Variants in COL15A1 observed in about 807,000 individuals in gnomAD.
COL15A1 encodes collagen type XV alpha 1 chain.
COL15A1 carries 111 observed loss-of-function variants against 165.9 expected under a neutral mutation model. The observed-to-expected ratio is 0.67, with a 90% confidence interval of 0.57 to 0.78. The LOEUF (loss-of-function observed/expected upper bound fraction) is 0.78. Ranked by LOEUF, COL15A1 falls within the 30% of genes least tolerant of loss-of-function variation. The pLI, the probability that COL15A1 is intolerant of heterozygous loss-of-function variation, is 0.00. For synonymous variants in COL15A1, 659 were observed against 674.8 expected, an observed-to-expected ratio of 0.98 and a Z score of 0.36; for missense variants, 1,745 against 1,789.7, an observed-to-expected ratio of 0.98 and a Z score of 0.45.
chr9:99,061,516 A>T (rs1334079992), intron 36 of COL15A1, among the ~76,000 whole-genome samples: 1 of 152,228 alleles, frequency 6.6e-6, no homozygotes, highest in African/African-American at 2.4e-5. Context: ...ATAGTTGCTC[A>T]CTTGCTTGCC....
At chr9:99,001,267 G>A (rs1402527824) in intron 7 of COL15A1, among the ~76,000 whole-genome samples, 1 of 152,200 alleles carries the variant, frequency 6.6e-6, no homozygotes, top group African/African-American at 2.4e-5. Context: ...AGCTTTATCA[G>A]CCCTTTGAGT....
Position 99,000,874 on chromosome 9 carries a change from G to C in COL15A1, c.988G>C (p.Val330Leu), listed in dbSNP as rs766110833. 1.8e-5 allele frequency: 29 copies of C among 1,599,842 alleles called. No individual in the cohort carries two copies. The Admixed American group carries it at 3.9e-4, about 21-fold the overall frequency. ...GATCCTGAATGACACACTGGAGGGG[G>C]TTCATTCTGTGGATGGTGACCCCAT... Reference protein sequence around the residue: ...GEILNDTLEGVHSVDGDPITD... With the variant: ...GEILNDTLEGLHSVDGDPITD... Residue 330 changes from valine to leucine, a missense_variant, in exon 7 of 42, where the codon GTT becomes CTT. By Grantham distance (32) the Val-to-Leu change is conservative. Coordinates refer to ENST00000375001, the MANE Select transcript of COL15A1 (RefSeq NM_001855.5).
intron 2 of COL15A1, among the ~76,000 whole-genome samples, chr9:98,944,643 G>A (rs1205769820): frequency 1.3e-5 from 2 of 152,256 alleles, no homozygotes; most frequent in Non-Finnish European, 2.9e-5. Flanking sequence ...GTGCCTCTCC[G>A]CACACAGGTG....
intron 24 of COL15A1, among the ~76,000 whole-genome samples, chr9:99,044,129 G>T (rs78788856): frequency 3.9e-5 from 6 of 152,116 alleles, no homozygotes; most frequent in African/African-American, 1.4e-4. Context: ...CTCAGGTTGA[G>T]TTGCTAGGAA....
At chr9:99,031,909 T>A (rs749488213) in intron 16 of COL15A1, among the ~76,000 whole-genome samples, 1 of 152,206 alleles carries the variant, frequency 6.6e-6, no homozygotes, top group Non-Finnish European at 1.5e-5. Context: ...TGGCAAACTT[T>A]CTGAGACCCT....
intron 28 of COL15A1, among the ~76,000 whole-genome samples, chr9:99,049,367 G>A (rs1204678661): frequency 6.6e-6 from 1 of 152,256 alleles, no homozygotes; most frequent in African/African-American, 2.4e-5. Flanking sequence ...TCAACTGGGT[G>A]TCAGAATCTG....
intron 2 of COL15A1, among the ~76,000 whole-genome samples, chr9:98,958,262 A>G (rs1054676074): frequency 2.0e-5 from 3 of 152,262 alleles, no homozygotes; most frequent in Non-Finnish European, 4.4e-5. Flanking sequence ...CATCGTTAGC[A>G]TGAACATGCT....
intron 2 of COL15A1, among the ~76,000 whole-genome samples, chr9:98,970,166 A>G (rs1838023442): frequency 6.6e-6 from 1 of 151,992 alleles, no homozygotes; most frequent in African/African-American, 2.4e-5. Flanking sequence ...TACAGGAACT[A>G]TTGCCCATTC....
At chr9:99,054,513 A>C in intron 31 of COL15A1, 63 bp from the exon 32 acceptor site, 1 of 1,506,990 alleles carries the variant, frequency 6.6e-7, no homozygotes, top group Non-Finnish European at 8.9e-7. Context: ...TGTCTCAGAA[A>C]GGTTTTATAT....
At chr9:99,018,719 G>A (rs1400155873) in intron 11 of COL15A1, among the ~76,000 whole-genome samples, 1 of 152,110 alleles carries the variant, frequency 6.6e-6, no homozygotes, top group Non-Finnish European at 1.5e-5. Context: ...TTTAATGATG[G>A]GGGAAATGCT....
chr9:98,945,101 A>T (rs1181194790), intron 2 of COL15A1, among the ~76,000 whole-genome samples: 1 of 152,070 alleles, frequency 6.6e-6, no homozygotes, highest in African/African-American at 2.4e-5. Flanking sequence ...GCTTCCCATG[A>T]TTCCAGTATA....
intron 2 of COL15A1, among the ~76,000 whole-genome samples, chr9:98,961,194 C>CA: frequency 6.6e-6 from 1 of 152,282 alleles, no homozygotes; most frequent in African/African-American, 2.4e-5. Flanking sequence ...TGAATACAAG[C>CA]AATGTGTGAT....
intron 2 of COL15A1, among the ~76,000 whole-genome samples, chr9:98,954,306 A>C (rs1410824463): frequency 6.6e-6 from 1 of 152,218 alleles, no homozygotes; most frequent in African/African-American, 2.4e-5. Context: ...AAAAGATCAC[A>C]TATTATCTTG....
Position 99,044,577 on chromosome 9 carries a change from G to A in COL15A1, c.2584G>A (p.Gly862Arg), listed in dbSNP as rs752518778. ...GTTCTCTGAATTGCAGGGCGAGAAG[G>A]GAGAGCCGGGTGCCATCCTGACAGA... ...PGLKGEQGEK[G>R]EPGAILTEDI... The change falls in exon 25 of 42, where the codon GGA becomes AGA. Residue 862 changes from glycine (G) to arginine (R), a missense_variant. By Grantham distance (125) the Gly-to-Arg change is moderately radical. Coordinates refer to ENST00000375001, the MANE Select transcript of COL15A1 (RefSeq NM_001855.5). 2.5e-6 allele frequency: 4 copies of A among 1,614,080 alleles called. No homozygotes were observed. In the South Asian group the frequency reaches 4.4e-5, roughly 18 times the overall value.
At chr9:98,960,840 G>A (rs1837853954) in intron 2 of COL15A1, among the ~76,000 whole-genome samples, 1 of 152,220 alleles carries the variant, frequency 6.6e-6, no homozygotes, top group South Asian at 2.1e-4. Context: ...TGCCTAAGCT[G>A]TCCTGTGTCC....
intron 9 of COL15A1, among the ~76,000 whole-genome samples, chr9:99,010,921 G>A (rs1216500563): frequency 6.6e-6 from 1 of 152,158 alleles, no homozygotes; most frequent in Non-Finnish European, 1.5e-5. Context: ...CAGTGCGACT[G>A]CTGTTCTCTA....
At chr9:98,967,130 T>A (rs949688621) in intron 2 of COL15A1, among the ~76,000 whole-genome samples, 1 of 152,146 alleles carries the variant, frequency 6.6e-6, no homozygotes, top group African/African-American at 2.4e-5. Context: ...GCTACCTACC[T>A]CCTGAAGGGC....
chr9:98,997,207 T>TTGAGG, intron 6 of COL15A1, 126 bp downstream of exon 6: 2 of 1,190,546 alleles, frequency 1.7e-6, no homozygotes, highest in Non-Finnish European at 2.3e-6. Context: ...TAAGAAAGGG[T>TTGAGG]GAGAACCACC....
At chr9:98,994,320 C>A (rs1441295316) in intron 5 of COL15A1, among the ~76,000 whole-genome samples, 1 of 152,204 alleles carries the variant, frequency 6.6e-6, no homozygotes, top group Non-Finnish European at 1.5e-5. Flanking sequence ...CAGATGCTCA[C>A]AGTTCTCTGG....
Sources: gnomAD v4.1 joint callset for allele counts (sites outside exome capture counted in the v4.1 genomes callset) on GRCh38, gnomAD v4.1.1 for gene constraint, MANE v1.5 for transcripts, NCBI Gene and HGNC (gene_info 2026-07-23, HGNC 2026-07-21) for gene names.